RASGRF1: variants seen among roughly 807,000 people sequenced by gnomAD.
The protein encoded by RASGRF1 is Ras protein specific guanine nucleotide releasing factor 1.
Under a neutral mutation model 138.7 loss-of-function variants are expected in RASGRF1, and 40 were observed. The ratio of observed to expected loss-of-function variants is 0.29; its 90% confidence interval spans 0.22 to 0.38. The LOEUF (loss-of-function observed/expected upper bound fraction) is 0.38. Ranked by LOEUF, RASGRF1 falls within the 10% of genes least tolerant of loss-of-function variation. The pLI, the probability that RASGRF1 is intolerant of heterozygous loss-of-function variation, is 1.00. For missense variants in RASGRF1, 1,108 were observed against 1,650.4 expected, an observed-to-expected ratio of 0.67 and a Z score of 5.69; for synonymous variants, 614 against 663.2, an observed-to-expected ratio of 0.93 and a Z score of 1.14.
intron 20 of RASGRF1, among the ~76,000 whole-genome samples, chr15:78,995,402 C>A (rs1333320672): frequency 1.6e-5 from 2 of 124,496 alleles, no homozygotes; most frequent in African/African-American, 6.1e-5. Flanking sequence ...GATTCTCCCG[C>A]CTCAGTCTCC....
rs955201721 is a variant in RASGRF1 at position 78,971,797 on chromosome 15, A to G, written c.3681+69T>C. ...GAAAGTGGACGGGTATGGAGGGGACAGGGTGGAAGGTGGCCTAGACAGAGC... is the reference window on the plus strand; with the variant it reads ...GAAAGTGGACGGGTATGGAGGGGACGGGGTGGAAGGTGGCCTAGACAGAGC... On this transcript the variant is annotated intron_variant, in intron 26 of 26. Coordinates refer to ENST00000558480, the MANE Select transcript of RASGRF1 (RefSeq NM_001145648.3). 9.4e-6 allele frequency: 13 copies of G among 1,381,224 alleles called. No homozygotes were observed. In the African/African-American group the frequency reaches 1.6e-4, roughly 17 times the overall value. The allele number at this position is 1,381,224 out of a possible 1,614,324, so 85.6% of individuals were successfully genotyped here. A position where few individuals can be genotyped will look rare whatever the true frequency, so the allele number is the denominator to read the frequency against.
chr15:79,003,970 A>G lies in RASGRF1; in HGVS notation c.2281T>C (p.Cys761Arg). The G allele has an allele frequency of 6.2e-7, 1 of 1,614,106 alleles. No individual in the cohort carries two copies. The highest frequency in any genetic ancestry group is 8.5e-7 in the Non-Finnish European group (1 of 1,179,998). The change falls in exon 15 of 27, where the codon TGC (cysteine) becomes CGC (arginine). Residue 761 changes from cysteine to arginine, a missense_variant. Transcript: ENST00000558480. ...ATGCTGGTGTAGCCATTGGAGTTGC[A>G]GCTGAGGGCGGCCAGGTCCAGGGCC... ...GKALDLAALSCNSNGYTSMYS... is the reference protein window; with the variant it reads ...GKALDLAALSRNSNGYTSMYS...
chr15:79,066,538 C>G (rs2141068002), intron 1 of RASGRF1, among the ~76,000 whole-genome samples: 1 of 152,358 alleles, frequency 6.6e-6, no homozygotes, highest in Middle Eastern at 3.4e-3. Context: ...GAGCCCATTG[C>G]TGGGACCACA....
intron 25 of RASGRF1, 141 bp from the exon 26 acceptor site, chr15:78,972,075 C>T (rs750941784): frequency 6.5e-6 from 5 of 766,778 alleles, no homozygotes; most frequent in East Asian, 2.5e-5. Flanking sequence ...GAAGGTCCCA[C>T]GGAGGCATCA....
intron 13 of RASGRF1, among the ~76,000 whole-genome samples, chr15:79,013,417 A>G (rs538618472): frequency 6.6e-6 from 1 of 152,272 alleles, no homozygotes; most frequent in Non-Finnish European, 1.5e-5. Context: ...AGCTCCTGGC[A>G]CACAGTAGGT....
At position 79,018,186 on chromosome 15, in the gene RASGRF1, C is replaced by T. The variant is rs1567526980; in HGVS notation, c.1607-280G>A. The stretch of plus-strand genomic sequence containing the variant: ...AGTCTGCCCTCTGCCCTCATTACAC[C>T]AATGGAGGTGAGGTCACGGGCGAGG... On this transcript the variant is annotated intron_variant, in intron 11 of 26. Transcript: ENST00000558480. Among the ~76,000 whole-genome samples, 3 of 152,352 alleles carry T rather than the reference C, an allele frequency of 2.0e-5. No individual in the cohort carries two copies. The South Asian group carries it at 6.2e-4, about 32-fold the overall frequency.
chr15:78,991,134 A>C (rs1312631587), intron 21 of RASGRF1, among the ~76,000 whole-genome samples: 3 of 152,262 alleles, frequency 2.0e-5, no homozygotes, highest in Non-Finnish European at 2.9e-5. Flanking sequence ...TTAGTAACAC[A>C]CTGTTAGAGA....
chr15:79,055,393 A>G (rs138765618), intron 3 of RASGRF1, among the ~76,000 whole-genome samples: 38 of 152,282 alleles, frequency 2.5e-4, no homozygotes, highest in African/African-American at 7.2e-4. Context: ...AGGGGGACAG[A>G]GAGAGAAACA....
At chr15:78,984,905 A>T (rs4778750) in intron 23 of RASGRF1, 102 bp downstream of exon 23, 1 of 1,310,854 alleles carries the variant, frequency 7.6e-7, no homozygotes, top group East Asian at 2.5e-5. Context: ...TCAGCCCAGT[A>T]CTTTGCCCAC....
At chr15:79,089,957 T>C (rs993675409) in intron 1 of RASGRF1, among the ~76,000 whole-genome samples, 3 of 152,128 alleles carry the variant, frequency 2.0e-5, no homozygotes, top group Non-Finnish European at 4.4e-5. Flanking sequence ...TGTCGGCCCC[T>C]CTGTACCCGC....
intron 13 of RASGRF1, among the ~76,000 whole-genome samples, chr15:79,012,845 G>A (rs2056822044): frequency 6.6e-6 from 1 of 152,100 alleles, no homozygotes; most frequent in African/African-American, 2.4e-5. Context: ...ACCAGGCCTG[G>A]CTAATTTTTG....
At chr15:79,080,796 C>T (rs180974695) in intron 1 of RASGRF1, among the ~76,000 whole-genome samples, 4 of 152,284 alleles carry the variant, frequency 2.6e-5, no homozygotes, top group African/African-American at 9.6e-5. Flanking sequence ...GTATAAATGA[C>T]CTCATTTAAC....
rs1405723998 is a variant in RASGRF1, at chr15:79,090,730, C to G, written c.-232G>C. The G allele has an allele frequency of 3.4e-6, 2 of 592,174 alleles. No homozygotes were observed. Among genetic ancestry groups the G allele is most frequent in the Admixed American group, 3.4e-5 (1 of 29,194 alleles). The allele number at this position is 592,174 out of a possible 1,614,324, so 36.7% of individuals were successfully genotyped here. A position where few individuals can be genotyped will look rare whatever the true frequency, so the allele number is the denominator to read the frequency against. ...TTCTCCGCTCCGCAGAGCCCCAGTACCCGGAAGATGCCGCCCGACCCTCCT... is the reference window on the plus strand; with the variant it reads ...TTCTCCGCTCCGCAGAGCCCCAGTAGCCGGAAGATGCCGCCCGACCCTCCT... On this transcript the variant is annotated 5_prime_UTR_variant, in exon 1 of 27. Transcript: ENST00000558480.
At chr15:79,025,545 G>T in intron 9 of RASGRF1, 71 bp from the exon 10 acceptor site, 1 of 1,516,088 alleles carries the variant, frequency 6.6e-7, no homozygotes, top group Non-Finnish European at 8.9e-7. Context: ...AGCCTTGAAG[G>T]TTGAGATGCT....
At chr15:79,064,890 G>A (rs2057656212) in intron 1 of RASGRF1, among the ~76,000 whole-genome samples, 1 of 152,200 alleles carries the variant, frequency 6.6e-6, no homozygotes, top group African/African-American at 2.4e-5. Context: ...ATTCAATGCA[G>A]CATGTATTTA....
At chr15:78,987,714 C>CA (rs965918003) in intron 22 of RASGRF1, among the ~76,000 whole-genome samples, 23 of 151,514 alleles carry the variant, frequency 1.5e-4, no homozygotes, top group Admixed American at 2.6e-4. Context: ...CAAAACAAAA[C>CA]AAAAAAAACC....
Position 78,973,262 on chromosome 15 carries a change from T to C in RASGRF1, c.3612+41A>G. 6.7e-7 allele frequency: 1 copy of C among 1,500,252 alleles called. No homozygotes were observed. Among genetic ancestry groups the C allele is most frequent in the Non-Finnish European group, 9.2e-7 (1 of 1,090,610 alleles). 92.9% of individuals were successfully genotyped at this position (1,500,252 alleles called of 1,614,324 possible). ...GGGCCCCAGGTTGAGTCATCTGGGC[T>C]TCAACGCCCCCCTTCCCCTGCCTGG... On this transcript the variant is annotated intron_variant, in intron 25 of 26. Coordinates refer to ENST00000558480, the MANE Select transcript of RASGRF1 (RefSeq NM_001145648.3). The surrounding 1 kb of genome is among the most constrained non-coding windows in gnomAD (Gnocchi z 4.9).
At chr15:79,031,729 G>A (rs567354394) in intron 7 of RASGRF1, among the ~76,000 whole-genome samples, 1 of 151,224 alleles carries the variant, frequency 6.6e-6, no homozygotes, top group South Asian at 2.1e-4. Context: ...CATGGGGTGC[G>A]GGCCAGGGGA....
chr15:78,999,786 G>A lies in RASGRF1; in HGVS notation c.2703C>T (p.Thr901=). 6.2e-7 allele frequency: 1 copy of A among 1,614,146 alleles called. No individual in the cohort carries two copies. The highest frequency in any genetic ancestry group is 8.5e-7 in the Non-Finnish European group (1 of 1,180,022). ...AIATAGANEG[T]PNKEKYRRMS... is the part of the protein sequence containing the mutation. ...TCCTCCGGTACTTCTCCTTGTTTGG[G>A]GTGCCCTCGTTGGCCCCGGCGGTTG... The change falls in exon 17 of 27, where the codon ACC becomes ACT. Residue 901 remains threonine, a synonymous_variant. Coordinates refer to ENST00000558480, the MANE Select transcript of RASGRF1 (RefSeq NM_001145648.3).
Sources: gnomAD v4.1 joint callset for allele counts (sites outside exome capture counted in the v4.1 genomes callset) on GRCh38, gnomAD v4.1.1 for gene constraint, Gnocchi (gnomAD v3.1) non-coding constraint, MANE v1.5 for transcripts, NCBI Gene and HGNC (gene_info 2026-07-23, HGNC 2026-07-21) for gene names.